Variants in ZNF786 observed in about 807,000 individuals in gnomAD.
The protein encoded by ZNF786 is zinc finger protein 786.
Under a neutral mutation model 63.1 loss-of-function variants are expected in ZNF786, and 56 were observed. The observed-to-expected ratio is 0.89, with a 90% CI of 0.72 to 1.11. The LOEUF (loss-of-function observed/expected upper bound fraction) is 1.11. ZNF786 is among the 50% of genes least tolerant of loss of function. The pLI, the probability that ZNF786 is intolerant of heterozygous loss-of-function variation, is 0.00. For synonymous variants in ZNF786, 485 were observed against 406.9 expected (o/e 1.19, Z -2.31); for missense variants, 1,213 against 1,041.8 (o/e 1.16, Z -2.26).
In ZNF786 at chr7:149,080,600, C is replaced by T. The variant is rs768568710; in HGVS notation, c.136G>A (p.Val46Ile). The change falls in exon 2 of 4, where the codon GTC (valine) becomes ATC (isoleucine). Residue 46 changes from valine to isoleucine, a missense_variant. Physicochemically the swap from Val to Ile is conservative, Grantham distance 29 (BLOSUM62 3). Transcript: ENST00000491431. ...GGTGAACAGGTCTTACCTAGAGAGA[C>T]GAGAGTCTCATAATTGCTTCTCATC... Reference protein sequence around the residue: ...HVMRSNYETLVSLDDGLPKPE... With the variant: ...HVMRSNYETLISLDDGLPKPE... The T allele has an allele frequency of 1.2e-5, 19 of 1,608,660 alleles. No individual in the cohort carries two copies. In the South Asian group the frequency reaches 1.2e-4, roughly 10 times the overall value.
chr7:149,082,537 A>G, intron 1 of ZNF786: 2 of 932,768 alleles, frequency 2.1e-6, no homozygotes, highest in East Asian at 1.2e-4. Context: ...TTATTGCCAT[A>G]TGTCCTCAAT....
In ZNF786 at chr7:149,071,068, C is replaced by A; in HGVS notation, c.1704G>T (p.Gly568=). The A allele has an allele frequency of 6.2e-7, 1 of 1,611,914 alleles. No individual in the cohort carries two copies. Among genetic ancestry groups the A allele is most frequent in the Non-Finnish European group, 8.5e-7 (1 of 1,179,574 alleles). Residue 568 remains glycine, a synonymous_variant, in exon 4 of 4, where the codon GGG becomes GGT. Coordinates refer to ENST00000491431, the MANE Select transcript of ZNF786 (RefSeq NM_152411.4). ...THSKERPFSC[G]ECGKGFTRQS... Reference sequence around the variant, plus strand: ...GTCTGGTGAAGCCCTTGCCACACTCCCCGCACGAGAACGGCCTCTCCTTGC... The same window carrying A: ...GTCTGGTGAAGCCCTTGCCACACTCACCGCACGAGAACGGCCTCTCCTTGC...
At position 149,072,290 on chromosome 7, in the gene ZNF786, A is replaced by G; in HGVS notation, c.482T>C (p.Leu161Pro). The part of the protein sequence containing the change: ...PLACGPSEST[L>P]KEGIPGPRNL... ...TCTGGGACCTGGGATTCCTTCTTTT[A>G]GGGTAGATTCACTGGGGCCGCAGGC... The change falls in exon 4 of 4, where the codon CTA becomes CCA. Residue 161 changes from leucine to proline, a missense_variant. Physicochemically the swap from Leu to Pro is moderately conservative, Grantham distance 98. Coordinates refer to ENST00000491431, the MANE Select transcript of ZNF786 (RefSeq NM_152411.4). The G allele has an allele frequency of 6.2e-7, 1 of 1,613,614 alleles. No homozygotes were observed. The highest frequency in any genetic ancestry group is 1.1e-5 in the South Asian group (1 of 91,008).
At chr7:149,087,690 T>C (rs778369417) in intron 1 of ZNF786, among the ~76,000 whole-genome samples, 6 of 152,178 alleles carry the variant, frequency 3.9e-5, no homozygotes, top group Admixed American at 3.9e-4. Flanking sequence ...GTCACAACTT[T>C]CCATCTCATT....
At chr7:149,075,108 C>T (rs908950102) in intron 2 of ZNF786, among the ~76,000 whole-genome samples, 1 of 152,152 alleles carries the variant, frequency 6.6e-6, no homozygotes, top group African/African-American at 2.4e-5. Context: ...GGATTACAGG[C>T]ATAAACCACT....
chr7:149,089,735 C>T (rs914776280), intron 1 of ZNF786, among the ~76,000 whole-genome samples: 29 of 151,546 alleles, frequency 1.9e-4, no homozygotes, highest in African/African-American at 6.5e-4. Context: ...TTTTTGGAGA[C>T]GGAGTTTCGC....
chr7:149,086,401 G>A (rs1825736583), intron 1 of ZNF786, among the ~76,000 whole-genome samples: 1 of 152,212 alleles, frequency 6.6e-6, no homozygotes, highest in South Asian at 2.1e-4. Flanking sequence ...GCCAAGGTGA[G>A]CAGATCACCT....
chr7:149,077,197 T>C (rs563997143), intron 2 of ZNF786, among the ~76,000 whole-genome samples: 6 of 152,374 alleles, frequency 3.9e-5, no homozygotes, highest in African/African-American at 1.4e-4. Context: ...GGTTCTCCCA[T>C]GTTCTTTAGG....
intron 2 of ZNF786, among the ~76,000 whole-genome samples, chr7:149,077,834 A>G (rs181378131): frequency 9.2e-5 from 14 of 151,932 alleles, no homozygotes; most frequent in South Asian, 2.1e-4. Context: ...GTGGCCCAAC[A>G]GCGAAACAAA....
chr7:149,070,615 C>T lies in ZNF786; in HGVS notation c.2157G>A (p.Met719Ile), dbSNP rs1315136105. 6.2e-7 allele frequency: 1 copy of T among 1,614,008 alleles called. No homozygotes were observed. The highest frequency in any genetic ancestry group is 1.1e-5 in the South Asian group (1 of 91,084). Residue 719 changes from methionine to isoleucine, a missense_variant, in exon 4 of 4, where the codon ATG (methionine) becomes ATA (isoleucine). Physicochemically the swap from Met to Ile is conservative, Grantham distance 10. Coordinates refer to ENST00000491431, the MANE Select transcript of ZNF786 (RefSeq NM_152411.4). The stretch of plus-strand genomic sequence containing the variant: ...GCCTGTGGATGCGCTGGTGCCTCAG[C>T]ATGTGTCCCCTTTCCCGGAAGTTCT... ...CDKNFRERGHMLRHQRIHRPE... is the reference protein window; with the variant it reads ...CDKNFRERGHILRHQRIHRPE...
intron 3 of ZNF786, among the ~76,000 whole-genome samples, chr7:149,072,776 T>C (rs1489896300): frequency 6.6e-6 from 1 of 152,232 alleles, no homozygotes; most frequent in Non-Finnish European, 1.5e-5. Context: ...TGTGTAACCT[T>C]TGTCAAGCTA....
At chr7:149,083,214 A>T (rs935714020) in intron 1 of ZNF786, among the ~76,000 whole-genome samples, 5 of 144,548 alleles carry the variant, frequency 3.5e-5, no homozygotes, top group Non-Finnish European at 6.1e-5. Flanking sequence ...TCATCTTTAA[A>T]TTTTTTTTTC....
chr7:149,070,201 ACT>A lies in ZNF786; in HGVS notation c.*220_*221del. 2.0e-6 allele frequency: 1 copy of A among 511,672 alleles called. No homozygotes were observed. The highest frequency in any genetic ancestry group is 3.3e-6 in the Non-Finnish European group (1 of 304,812). The allele number at this position is 511,672 out of a possible 1,614,324, so 31.7% of individuals were successfully genotyped here. ...ACTCCAGCCTGGGTGACAGAGCAAA[ACT>A]CCATCTTGGAAAAAAAAAAAAAAAA... On this transcript the variant is annotated 3_prime_UTR_variant, in exon 4 of 4. Transcript: ENST00000491431.
In ZNF786 at chr7:149,071,198, C is replaced by T. The variant is rs776244491; in HGVS notation, c.1574G>A (p.Arg525His). ...CCCGCTGTGCACTCTCAGGTGCTCA[C>T]GGAGCTTGCACTGGTGGGTGAAGCC... ...GRGFTHQCKL[R>H]EHLRVHSGER... is the part of the protein sequence containing the mutation. The change falls in exon 4 of 4, where the codon CGT becomes CAT. Residue 525 changes from arginine to histidine, a missense_variant. Coordinates refer to ENST00000491431, the MANE Select transcript of ZNF786 (RefSeq NM_152411.4). 1.9e-6 allele frequency: 3 copies of T among 1,610,970 alleles called. No individual in the cohort carries two copies. Among genetic ancestry groups the T allele is most frequent in the African/African-American group, 1.3e-5 (1 of 74,790 alleles).
chr7:149,082,386 T>G (rs1348724405), intron 1 of ZNF786: 1 of 218,662 alleles, frequency 4.6e-6, no homozygotes, highest in Admixed American at 6.5e-5. Flanking sequence ...TATTGTTTAA[T>G]ATTTGTGTTT....
At position 149,070,210 on chromosome 7, in the gene ZNF786, T is replaced by TG. The variant is rs1190579929; in HGVS notation, c.*212dup. 5 of 540,580 alleles carry TG rather than the reference T, an allele frequency of 9.2e-6. No individual in the cohort carries two copies. The highest frequency in any genetic ancestry group is 2.0e-5 in the African/African-American group (1 of 50,386). 33.5% of individuals were successfully genotyped at this position (540,580 alleles called of 1,614,324 possible). On this transcript the variant is annotated 3_prime_UTR_variant, in exon 4 of 4. Transcript: ENST00000491431. Reference sequence around the variant, plus strand: ...TGGGTGACAGAGCAAAACTCCATCTTGGAAAAAAAAAAAAAAAAGAAAGAA... The same window carrying TG: ...TGGGTGACAGAGCAAAACTCCATCTTGGGAAAAAAAAAAAAAAAAGAAAGAA...
At chr7:149,078,777 C>T (rs542010465) in intron 2 of ZNF786, among the ~76,000 whole-genome samples, 1 of 151,886 alleles carries the variant, frequency 6.6e-6, no homozygotes, top group Non-Finnish European at 1.5e-5. Context: ...TGTCAACTGG[C>T]AGAAGAGATG....
chr7:149,072,055 G>A lies in ZNF786; in HGVS notation c.717C>T (p.His239=), dbSNP rs781533918. 1.1e-5 allele frequency: 17 copies of A among 1,613,212 alleles called. No individual in the cohort carries two copies. The East Asian group carries it at 3.8e-4, about 36-fold the overall frequency. ...TCTTACCGCACACGCCACACCGGAA[G>A]TGCCTCTGTACCCGAGGGCTGCTCC... is the stretch of plus-strand genomic sequence containing the variant. ...MPWSSPRVQR[H]FRCGVCGKSF... The change falls in exon 4 of 4, where the codon CAC becomes CAT. Residue 239 remains histidine (H), a synonymous_variant. Transcript: ENST00000491431.
intron 3 of ZNF786, among the ~76,000 whole-genome samples, chr7:149,073,758 T>TAC (rs1322917611): frequency 0.016 from 1,538 of 97,086 alleles, 59 homozygotes; most frequent in African/African-American, 0.052. Context: ...TATATATATA[T>TAC]ATATATATAT....
Sources: allele counts gnomAD v4.1 joint callset (sites outside exome capture counted in the v4.1 genomes callset), GRCh38; gene constraint gnomAD v4.1.1; transcripts MANE v1.5; gene names NCBI Gene and HGNC (gene_info 2026-07-23, HGNC 2026-07-21).